PCDH15: variants seen among roughly 807,000 people sequenced by gnomAD.
PCDH15 encodes the protein protocadherin related 15, also known as protocadherin-15.
PCDH15 carries 129 observed loss-of-function variants against 178.5 expected under a neutral mutation model. The ratio of observed to expected loss-of-function variants is 0.72; its 90% CI spans 0.63 to 0.84. PCDH15 has a LOEUF of 0.84. PCDH15 is among the 40% of genes least tolerant of loss of function. The pLI, the probability that PCDH15 is intolerant of heterozygous loss-of-function variation, is 0.00. For synonymous variants in PCDH15, 800 were observed against 732.0 expected, an observed-to-expected ratio of 1.09 and a Z score of -1.50; for missense variants, 2,230 against 2,099.9, an observed-to-expected ratio of 1.06 and a Z score of -1.21.
At chr10:55,370,391 TTTAAA>T (rs1845476990) in intron 2 of PCDH15, among the ~76,000 whole-genome samples, 1 of 152,140 alleles carries the variant, frequency 6.6e-6, no homozygotes. Context: ...CTTCAGTTAC[TTTAAA>T]TTAACCACTA....
chr10:55,099,141 T>C (rs1183963456), intron 2 of PCDH15, among the ~76,000 whole-genome samples: 1 of 152,140 alleles, frequency 6.6e-6, no homozygotes, highest in Non-Finnish European at 1.5e-5. Flanking sequence ...TTGCTCACGC[T>C]GATCTTAAAG....
intron 1 of PCDH15, among the ~76,000 whole-genome samples, chr10:54,664,841 T>G (rs2094545490): frequency 6.6e-6 from 1 of 151,648 alleles, no homozygotes; most frequent in Non-Finnish European, 1.5e-5. Context: ...TCACTACATC[T>G]GCTTTATGAA....
At chr10:53,949,470 G>A (rs2086835613) in intron 23 of PCDH15, among the ~76,000 whole-genome samples, 1 of 151,984 alleles carries the variant, frequency 6.6e-6, no homozygotes, top group Non-Finnish European at 1.5e-5. Flanking sequence ...CCAAACTATT[G>A]TTCATCTTAT....
At chr10:54,059,924 T>C (rs1245036162) in intron 18 of PCDH15, among the ~76,000 whole-genome samples, 1 of 152,224 alleles carries the variant, frequency 6.6e-6, no homozygotes, top group Non-Finnish European at 1.5e-5. Context: ...ATTACTGATT[T>C]TTTACTAGAG....
chr10:54,253,001 C>A (rs528002978), intron 8 of PCDH15, among the ~76,000 whole-genome samples: 30 of 151,880 alleles, frequency 2.0e-4, no homozygotes, highest in African/African-American at 7.0e-4. Flanking sequence ...ATCAAAGAAC[C>A]AAGGTATTGA....
chr10:54,086,375 C>G (rs1255875018), intron 16 of PCDH15, among the ~76,000 whole-genome samples: 1 of 152,126 alleles, frequency 6.6e-6, no homozygotes, highest in Non-Finnish European at 1.5e-5. Context: ...CCTCCATGAC[C>G]CAAACAAATC....
At chr10:54,561,315 T>C (rs1174197787) in intron 2 of PCDH15, among the ~76,000 whole-genome samples, 1 of 152,116 alleles carries the variant, frequency 6.6e-6, no homozygotes. Flanking sequence ...ATGTTAATTG[T>C]AGAAATACAA....
intron 2 of PCDH15, among the ~76,000 whole-genome samples, chr10:55,624,293 T>A (rs1292360706): frequency 6.6e-6 from 1 of 152,002 alleles, no homozygotes; most frequent in African/African-American, 2.4e-5. Context: ...CAAAAGAGAT[T>A]ATTAGAGCTT....
Position 54,072,661 on chromosome 10 carries a change from T to A in PCDH15, c.2092-5776A>T, listed in dbSNP as rs770008683. 4.3e-4 allele frequency among the ~76,000 whole-genome samples: 65 copies of A among 152,102 alleles called. 2 individuals are homozygous for A. Among genetic ancestry groups the A allele is most frequent in the Non-Finnish European group, 1.0e-4 (7 of 68,008 alleles). On this transcript the variant is annotated intron_variant, in intron 17 of 37. Coordinates refer to ENST00000644397, the MANE Select transcript of PCDH15 (RefSeq NM_001384140.1). ...ACATTTTGGAAGAAGGGGGAAATGA[T>A]GACTGGGAAACTAAGAGAAATTTGG...
chr10:53,926,130 A>G (rs968832772), intron 25 of PCDH15, among the ~76,000 whole-genome samples: 1 of 152,118 alleles, frequency 6.6e-6, no homozygotes, highest in African/African-American at 2.4e-5. Context: ...CAGTTGTCCT[A>G]TATTTTCCTC....
chr10:54,790,634 C>T (rs949245492), intron 1 of PCDH15, among the ~76,000 whole-genome samples: 1 of 151,738 alleles, frequency 6.6e-6, no homozygotes, highest in African/African-American at 2.4e-5. Context: ...GCCCCAAGGT[C>T]CTGTTGACTT....
intron 1 of PCDH15, among the ~76,000 whole-genome samples, chr10:54,667,506 C>A (rs558150702): frequency 6.6e-6 from 1 of 152,144 alleles, no homozygotes; most frequent in African/African-American, 2.4e-5. Context: ...ATGCTTTAGA[C>A]AAAAGACTGT....
At chr10:54,595,046 T>C (rs12244151) in intron 2 of PCDH15, among the ~76,000 whole-genome samples, 2,681 of 152,246 alleles carry the variant, frequency 0.018, 80 homozygotes, top group African/African-American at 0.062. Context: ...AGCAGGGCCC[T>C]CCACCTTCCC....
chr10:54,817,141 A>G (rs1017282666), intron 3 of PCDH15, among the ~76,000 whole-genome samples: 1 of 151,970 alleles, frequency 6.6e-6, no homozygotes, highest in East Asian at 1.9e-4. Flanking sequence ...ATCTAACATT[A>G]TATATGTAAA....
chr10:55,412,395 CTG>C (rs1031168636), intron 2 of PCDH15, among the ~76,000 whole-genome samples: 2 of 151,962 alleles, frequency 1.3e-5, no homozygotes, highest in African/African-American at 4.8e-5. Flanking sequence ...GCCTTAGAAA[CTG>C]TACCTAGAAT....
At chr10:55,224,741 C>T (rs1840979068) in intron 1 of PCDH15, among the ~76,000 whole-genome samples, 1 of 152,082 alleles carries the variant, frequency 6.6e-6, no homozygotes, top group South Asian at 2.1e-4. Flanking sequence ...AAAACCCAAA[C>T]CCATACCATG....
At chr10:54,378,213 C>A (rs1227329216) in intron 4 of PCDH15, among the ~76,000 whole-genome samples, 2 of 152,076 alleles carry the variant, frequency 1.3e-5, no homozygotes, top group African/African-American at 2.4e-5. Flanking sequence ...GTATGAGCTA[C>A]TGCTGTGCCA....
intron 10 of PCDH15, among the ~76,000 whole-genome samples, chr10:54,196,535 C>A (rs895135466): frequency 8.6e-5 from 13 of 151,952 alleles, no homozygotes; most frequent in Admixed American, 7.9e-4. Context: ...TTGAGTGTAC[C>A]GCTGATAAAA....
At chr10:54,159,523 A>C (rs1001652820) in intron 13 of PCDH15, among the ~76,000 whole-genome samples, 1 of 152,190 alleles carries the variant, frequency 6.6e-6, no homozygotes, top group Non-Finnish European at 1.5e-5. Flanking sequence ...ACATATTTTA[A>C]ATGCTAATTT....
Sources: allele counts gnomAD v4.1 joint callset (sites outside exome capture counted in the v4.1 genomes callset), GRCh38; gene constraint gnomAD v4.1.1; transcripts MANE v1.5; gene names NCBI Gene and HGNC (gene_info 2026-07-23, HGNC 2026-07-21).